C4BPA: variants seen among roughly 807,000 people sequenced by gnomAD.
C4BPA encodes C4b-binding protein alpha chain.
C4BPA carries 31 observed loss-of-function variants against 63.7 expected under a neutral mutation model. The ratio of observed to expected loss-of-function variants is 0.49; its 90% CI spans 0.37 to 0.66. The LOEUF (loss-of-function observed/expected upper bound fraction) is 0.66, where lower values mean the gene tolerates loss of function less well. Ranked by LOEUF, C4BPA falls within the 30% of genes least tolerant of loss-of-function variation. The probability of loss-of-function intolerance (pLI) is 0.00; values close to 1 mark genes in which losing one functional copy is unlikely to be tolerated. For synonymous variants in C4BPA, 259 were observed against 254.7 expected, an observed-to-expected ratio of 1.02 and a Z score of -0.16; for missense variants, 572 against 723.3, an observed-to-expected ratio of 0.79 and a Z score of 2.40.
chr1:207,123,872 A>T, intron 4 of C4BPA, 50 bp from the exon 5 acceptor site: 1 of 1,044,752 alleles, frequency 9.6e-7, no homozygotes, highest in Non-Finnish European at 1.5e-6. Flanking sequence ...TCTTTAATTT[A>T]ATTTAGGGTA....
chr1:207,131,273 G>A (rs1370834260), intron 7 of C4BPA, among the ~76,000 whole-genome samples: 2 of 152,216 alleles, frequency 1.3e-5, no homozygotes, highest in African/African-American at 4.8e-5. Context: ...TCTCTGAAAT[G>A]TAAAGAAGAG....
chr1:207,142,500 T>C (rs1263299768), intron 10 of C4BPA, among the ~76,000 whole-genome samples: 1 of 152,164 alleles, frequency 6.6e-6, no homozygotes, highest in South Asian at 2.1e-4. Context: ...GCCACACTGT[T>C]TTCCACAATG....
chr1:207,142,206 G>C (rs1315764299), intron 10 of C4BPA, among the ~76,000 whole-genome samples: 1 of 151,996 alleles, frequency 6.6e-6, no homozygotes, highest in Non-Finnish European at 1.5e-5. Context: ...TGCTGAGAAT[G>C]ATGGTTTCCA....
chr1:207,125,259 C>G (rs1176637417), intron 6 of C4BPA, among the ~76,000 whole-genome samples: 7 of 152,294 alleles, frequency 4.6e-5, no homozygotes, highest in South Asian at 4.1e-4. Context: ...TTATGAAGGG[C>G]CTTGTGTTTC....
intron 9 of C4BPA, among the ~76,000 whole-genome samples, chr1:207,136,525 T>C (rs1262521641): frequency 6.6e-6 from 1 of 152,216 alleles, no homozygotes; most frequent in African/African-American, 2.4e-5. Context: ...TTCCATGCCC[T>C]GAATCCTAAT....
chr1:207,115,697 C>T (rs962155232), intron 4 of C4BPA, among the ~76,000 whole-genome samples, 182 bp downstream of exon 4: 8 of 152,140 alleles, frequency 5.3e-5, no homozygotes, highest in Non-Finnish European at 8.8e-5. Flanking sequence ...TTTATTGGTT[C>T]GTATATATCT....
At chr1:207,141,085 C>T in intron 9 of C4BPA, 21 bp from the exon 10 acceptor site, 1 of 1,596,534 alleles carries the variant, frequency 6.3e-7, no homozygotes, top group Non-Finnish European at 8.6e-7. Flanking sequence ...TGCTCTCTCA[C>T]TTTTTTGTCT....
chr1:207,109,064 G>A (rs750237659), intron 1 of C4BPA, among the ~76,000 whole-genome samples: 4 of 152,132 alleles, frequency 2.6e-5, no homozygotes, highest in African/African-American at 4.8e-5. Context: ...GGATGTGGAT[G>A]ACTTCCTTTC....
chr1:207,124,111 T>G, intron 5 of C4BPA, 64 bp from the exon 6 acceptor site: 2 of 1,548,764 alleles, frequency 1.3e-6, no homozygotes, highest in Non-Finnish European at 1.8e-6. Flanking sequence ...AGAATTTGCA[T>G]GAATTTTAGA....
chr1:207,114,409 C>A, intron 3 of C4BPA, 124 bp downstream of exon 3: 2 of 583,970 alleles, frequency 3.4e-6, no homozygotes, highest in Non-Finnish European at 5.5e-6. Context: ...TTTCAATGTA[C>A]ATACTTGTGG....
At chr1:207,134,379 A>C (rs1476837172) in intron 8 of C4BPA, 25 bp from the exon 9 acceptor site, 6 of 1,579,984 alleles carry the variant, frequency 3.8e-6, no homozygotes, top group Non-Finnish European at 5.2e-6. Flanking sequence ...TTTACTAACC[A>C]TGCACCTCAC....
chr1:207,105,999 G>C lies in C4BPA; in HGVS notation c.-26+1569G>C, dbSNP rs76080714. The stretch of plus-strand genomic sequence containing the variant: ...TTCAGTGAGCAGTTACAGAATTGCA[G>C]AATTTGTTCATCTAGGTTTAATGTC... On this transcript the variant is annotated intron_variant, in intron 1 of 11. Coordinates refer to ENST00000367070, the MANE Select transcript of C4BPA (RefSeq NM_000715.4). Among the ~76,000 whole-genome samples the C allele has an allele frequency of 9.1e-3, 1,390 of 152,338 alleles. 21 individuals carry two copies. Among genetic ancestry groups the C allele is most frequent in the African/African-American group, 0.032 (1,326 of 41,576 alleles).
intron 9 of C4BPA, among the ~76,000 whole-genome samples, chr1:207,137,588 TATG>T (rs1361624194): frequency 6.9e-6 from 1 of 144,136 alleles, no homozygotes; most frequent in Non-Finnish European, 1.5e-5. Flanking sequence ...GTTGTGGAGA[TATG>T]TTTTGTTTTG....
At chr1:207,115,365 A>T (rs1305038711) in intron 3 of C4BPA, 51 bp from the exon 4 acceptor site, 6 of 932,262 alleles carry the variant, frequency 6.4e-6, no homozygotes, top group Non-Finnish European at 1.0e-5. Flanking sequence ...TTCTAATGCC[A>T]TATCTGTGAG....
At chr1:207,137,651 C>T (rs1435285232) in intron 9 of C4BPA, among the ~76,000 whole-genome samples, 1 of 151,520 alleles carries the variant, frequency 6.6e-6, no homozygotes, top group Admixed American at 6.6e-5. Context: ...AGAGTTTCTC[C>T]CTGTTGCCTA....
In C4BPA at chr1:207,124,026, G is replaced by C. The variant is rs763923960; in HGVS notation, c.514+19G>C. 8 of 1,569,652 alleles carry C rather than the reference G, an allele frequency of 5.1e-6. No individual in the cohort carries two copies. The highest frequency in any genetic ancestry group is 7.0e-6 in the Non-Finnish European group (8 of 1,141,056). The stretch of plus-strand genomic sequence containing the variant: ...TGTGAAAGTAAGTAAAGACTCTTCT[G>C]ACTTGACTATCAATTTAAACTCTGT... On this transcript the variant is annotated intron_variant, in intron 5 of 11. Coordinates refer to ENST00000367070, the MANE Select transcript of C4BPA (RefSeq NM_000715.4).
At chr1:207,143,762 T>C in intron 10 of C4BPA, 56 bp from the exon 11 acceptor site, 1 of 1,217,564 alleles carries the variant, frequency 8.2e-7, no homozygotes, top group East Asian at 2.3e-5. Context: ...CCGAGACTGT[T>C]ATCATGTCCT....
intron 4 of C4BPA, among the ~76,000 whole-genome samples, chr1:207,118,213 G>GTCTGTCTATCTA (rs1553256040): frequency 7.3e-6 from 1 of 137,384 alleles, no homozygotes; most frequent in Admixed American, 7.5e-5. Context: ...TCTATCATCT[G>GTCTGTCTATCTA]TCTATCTATC....
chr1:207,114,042 A>G (rs1684727799), intron 2 of C4BPA, 58 bp from the exon 3 acceptor site: 2 of 1,424,640 alleles, frequency 1.4e-6, no homozygotes, highest in South Asian at 1.2e-5. Flanking sequence ...TTCAGAAACA[A>G]TAAGATGCTG....
Sources: allele counts gnomAD v4.1 joint callset (sites outside exome capture counted in the v4.1 genomes callset), GRCh38; gene constraint gnomAD v4.1.1; transcripts MANE v1.5; gene names NCBI Gene and HGNC (gene_info 2026-07-23, HGNC 2026-07-21).